Variants in SH3TC1 observed in about 807,000 individuals in gnomAD.
The protein encoded by SH3TC1 is SH3 domain and tetratricopeptide repeats 1, also known as SH3 domain and tetratricopeptide repeat-containing protein 1.
In SH3TC1, 135 loss-of-function variants were observed where a neutral mutation model predicts 117.3. The ratio of observed to expected loss-of-function variants is 1.15; its 90% CI spans 1.00 to 1.33. SH3TC1 has a LOEUF of 1.33. SH3TC1 is among the 40% of genes most tolerant of loss of function. SH3TC1 has a pLI of 0.00. For synonymous variants in SH3TC1, 898 were observed against 816.9 expected (o/e 1.10, Z -1.69); for missense variants, 2,092 against 1,794.3 (o/e 1.17, Z -3.00).
rs1718128024 is a variant in SH3TC1, at chr4:8,205,479, G to T, written c.172+113G>T. On this transcript the variant is annotated intron_variant, in intron 2 of 17. Transcript: ENST00000245105. The surrounding 1 kb of genome is among the most constrained non-coding windows in gnomAD (Gnocchi z 5.4). ...GCCTGCCTCCAGGCCTCTTGGGGCT[G>T]GGGCTGGAGTCTGCTCTCCATCACT... The T allele has an allele frequency of 2.1e-6, 3 of 1,395,474 alleles. No individual in the cohort carries two copies. The highest frequency in any genetic ancestry group is 3.0e-6 in the Non-Finnish European group (3 of 988,634). The allele number at this position is 1,395,474 out of a possible 1,614,324, so 86.4% of individuals were successfully genotyped here. A position where few individuals can be genotyped will look rare whatever the true frequency, so the allele number is the denominator to read the frequency against.
At chr4:8,235,745 G>A (rs547919964) in intron 15 of SH3TC1, 190 bp downstream of exon 15, 23 of 733,004 alleles carry the variant, frequency 3.1e-5, no homozygotes, top group Non-Finnish European at 4.5e-5. Flanking sequence ...CTTGGGGCCT[G>A]GACACAGCAA....
chr4:8,212,127 T>C (rs1221092733), intron 3 of SH3TC1, among the ~76,000 whole-genome samples: 4 of 152,158 alleles, frequency 2.6e-5, no homozygotes, highest in African/African-American at 9.7e-5. Flanking sequence ...GTGGGGGCCC[T>C]CTGCCCTCTG....
chr4:8,227,577 T>G lies in SH3TC1; in HGVS notation c.1883T>G (p.Met628Arg). 1 of 1,521,164 alleles carries G rather than the reference T, an allele frequency of 6.6e-7. No individual in the cohort carries two copies. The allele number at this position is 1,521,164 out of a possible 1,614,324, so 94.2% of individuals were successfully genotyped here. A position where few individuals can be genotyped will look rare whatever the true frequency, so the allele number is the denominator to read the frequency against. Residue 628 changes from methionine (M) to arginine (R), a missense_variant, in exon 12 of 18, where the codon ATG becomes AGG. By Grantham distance (91) the Met-to-Arg change is moderately conservative. Transcript: ENST00000245105. ...TGTGCACAGGTGGTGCCCAAAGCCA[T>G]GGCCCTGCTCCTGGGGACGCCTGAC... ...EKCAQVVPKA[M>R]ALLLGTPDHI... is the part of the protein sequence containing the mutation.
At chr4:8,230,061 G>A (rs886927094) in intron 12 of SH3TC1, among the ~76,000 whole-genome samples, 4 of 152,036 alleles carry the variant, frequency 2.6e-5, no homozygotes, top group Non-Finnish European at 4.4e-5. Context: ...CCCACCCCGC[G>A]TTGAACAGTC....
In SH3TC1 at chr4:8,192,808, T is replaced by C. The variant is rs1313343162; in HGVS notation, c.-57+10598T>C. Among the ~76,000 whole-genome samples the C allele has an allele frequency of 6.6e-6, 1 of 152,210 alleles. No individual in the cohort carries two copies. Among genetic ancestry groups the C allele is most frequent in the Non-Finnish European group, 1.5e-5 (1 of 68,034 alleles). On this transcript the variant is annotated intron_variant, in intron 1 of 16. Transcript: ENST00000508641. This position sits in a 1 kb window ranked among gnomAD's most constrained non-coding sequence, Gnocchi z 4.1. ...TGCCCGGCCCACTTGTCTTTATTTG[T>C]TGCCTTCTCTTCTGCTCCGAGTTTA...
intron 11 of SH3TC1, 49 bp from the exon 12 acceptor site, chr4:8,226,931 G>C (rs779123722): frequency 7.0e-7 from 1 of 1,422,092 alleles, no homozygotes; most frequent in Non-Finnish European, 9.4e-7. Context: ...AGTGGACCCA[G>C]GACTCACTGC....
In SH3TC1 at chr4:8,240,920, T is replaced by G; in HGVS notation, c.3976T>G (p.Trp1326Gly). 1 of 1,612,270 alleles carries G rather than the reference T, an allele frequency of 6.2e-7. No homozygotes were observed. The highest frequency in any genetic ancestry group is 8.5e-7 in the Non-Finnish European group (1 of 1,179,978). Residue 1326 changes from tryptophan to glycine, a missense_variant, in exon 18 of 18, where the codon TGG (tryptophan) becomes GGG (glycine). Coordinates refer to ENST00000245105, the MANE Select transcript of SH3TC1 (RefSeq NM_018986.5). ...CCTGCCTCCTCTGCCACTCTGCGGGTGGGCCCCCTGGTTGGCCCCCAGCCA... is the reference window on the plus strand; with the variant it reads ...CCTGCCTCCTCTGCCACTCTGCGGGGGGGCCCCCTGGTTGGCCCCCAGCCA... ...VNLPPLPLCG[W>G]APWLAPSHPR
At position 8,225,461 on chromosome 4, in the gene SH3TC1, C is replaced by T. The variant is rs1720378603; in HGVS notation, c.1285+245C>T. On this transcript the variant is annotated intron_variant, in intron 11 of 17. Coordinates refer to ENST00000245105, the MANE Select transcript of SH3TC1 (RefSeq NM_018986.5). The surrounding 1 kb of genome is among the most constrained non-coding windows in gnomAD (Gnocchi z 5.5). Reference sequence around the variant, plus strand: ...ATGCTGGCCCCCGCCTGGTCCCCGCCCAAGATGGAGCATCCTTTCCACTGC... The same window carrying T: ...ATGCTGGCCCCCGCCTGGTCCCCGCTCAAGATGGAGCATCCTTTCCACTGC... Among the ~76,000 whole-genome samples the T allele has an allele frequency of 6.6e-6, 1 of 152,144 alleles. No individual in the cohort carries two copies. Among genetic ancestry groups the T allele is most frequent in the Non-Finnish European group, 1.5e-5 (1 of 68,020 alleles).
intron 2 of SH3TC1, among the ~76,000 whole-genome samples, chr4:8,208,866 G>A (rs775162623): frequency 2.6e-5 from 4 of 152,246 alleles, no homozygotes; most frequent in South Asian, 2.1e-4. Flanking sequence ...TGAGTGAGAC[G>A]TCTAGGAGGC....
Position 8,227,402 on chromosome 4 carries a change from T to C in SH3TC1, c.1708T>C (p.Cys570Arg), listed in dbSNP as rs1279145589. Residue 570 changes from cysteine (C) to arginine (R), a missense_variant, in exon 12 of 18, where the codon TGC becomes CGC. Cys to Arg is a radical substitution (Grantham distance 180). Coordinates refer to ENST00000245105, the MANE Select transcript of SH3TC1 (RefSeq NM_018986.5). ...GCTCTGCTTCCTCCTGGGGCGGCTG[T>C]GCAGCAGGAGGCTCAAGCTGTCCCA... The part of the protein sequence containing the change: ...ARLCFLLGRL[C>R]SRRLKLSQAR... 1 of 1,550,636 alleles carries C rather than the reference T, an allele frequency of 6.4e-7. No homozygotes were observed. Among genetic ancestry groups the C allele is most frequent in the Non-Finnish European group, 8.7e-7 (1 of 1,150,102 alleles).
At chr4:8,223,686 G>T (rs1248443419) in intron 10 of SH3TC1, among the ~76,000 whole-genome samples, 2 of 150,124 alleles carry the variant, frequency 1.3e-5, no homozygotes, top group African/African-American at 2.5e-5. Flanking sequence ...AGGCTGGAGT[G>T]CAGTGGCATG....
At chr4:8,213,508 T>C (rs1375097459) in intron 4 of SH3TC1, among the ~76,000 whole-genome samples, 1 of 152,144 alleles carries the variant, frequency 6.6e-6, no homozygotes, top group Middle Eastern at 3.2e-3. Context: ...CGTGGGGCTG[T>C]CGTGCATGAT....
rs555370770 is a variant in SH3TC1, at chr4:8,210,510, G to A, written c.247+688G>A. Among the ~76,000 whole-genome samples, 32 of 152,318 alleles carry A rather than the reference G, an allele frequency of 2.1e-4. No individual in the cohort carries two copies. The highest frequency in any genetic ancestry group is 2.0e-3 in the Admixed American group (31 of 15,302). On this transcript the variant is annotated intron_variant, in intron 3 of 17. Coordinates refer to ENST00000245105, the MANE Select transcript of SH3TC1 (RefSeq NM_018986.5). The surrounding 1 kb of genome is among the most constrained non-coding windows in gnomAD (Gnocchi z 4.1). ...ATGCAGGCTGGGCGCGGTGGCTCAC[G>A]CCTGTAATCCCAGCACTTTGGGAGG...
chr4:8,229,518 C>T (rs1394628266), intron 12 of SH3TC1, among the ~76,000 whole-genome samples: 2 of 25,822 alleles, frequency 7.7e-5, no homozygotes, highest in Non-Finnish European at 1.7e-4. Context: ...AGCGGGTGAG[C>T]GGGGATGAGT....
intron 5 of SH3TC1, 107 bp from the exon 6 acceptor site, chr4:8,216,004 C>G: frequency 2.2e-6 from 3 of 1,381,482 alleles, no homozygotes; most frequent in Non-Finnish European, 3.0e-6. Flanking sequence ...CCATGGTCTC[C>G]CTGGACCTGG....
At chr4:8,226,577 C>T (rs1229745535) in intron 11 of SH3TC1, among the ~76,000 whole-genome samples, 1 of 152,210 alleles carries the variant, frequency 6.6e-6, no homozygotes, top group Non-Finnish European at 1.5e-5. Flanking sequence ...ACAAAAATTA[C>T]ATTTGTAGTC....
intron 6 of SH3TC1, 37 bp downstream of exon 6, chr4:8,216,294 G>A: frequency 6.2e-7 from 1 of 1,600,956 alleles, no homozygotes; most frequent in Non-Finnish European, 8.5e-7. Flanking sequence ...AGATCCAGCT[G>A]TGCGGGGCAC....
chr4:8,237,443 C>A, intron 16 of SH3TC1, 31 bp from the exon 17 acceptor site: 1 of 1,478,086 alleles, frequency 6.8e-7, no homozygotes. Flanking sequence ...GAGCCACGTC[C>A]TCACACCTGC....
chr4:8,240,118 T>C (rs1722199974), intron 17 of SH3TC1, among the ~76,000 whole-genome samples: 2 of 151,482 alleles, frequency 1.3e-5, no homozygotes, highest in South Asian at 4.2e-4. Context: ...GATGGGAGGG[T>C]CAAGGAGGAG....
Sources: gnomAD v4.1 joint callset for allele counts (sites outside exome capture counted in the v4.1 genomes callset) on GRCh38, gnomAD v4.1.1 for gene constraint, Gnocchi (gnomAD v3.1) non-coding constraint, MANE v1.5 for transcripts, NCBI Gene and HGNC (gene_info 2026-07-23, HGNC 2026-07-21) for gene names.